Variants in GRIK3 observed in about 807,000 individuals in gnomAD.
GRIK3 encodes glutamate ionotropic receptor kainate type subunit 3.
Under a neutral mutation model 102.5 loss-of-function variants are expected in GRIK3, and 29 were observed. The observed-to-expected ratio is 0.28, with a 90% CI of 0.21 to 0.39. The LOEUF is 0.39. Ranked by LOEUF, GRIK3 falls within the 10% of genes least tolerant of loss-of-function variation. The pLI, the probability that GRIK3 is intolerant of heterozygous loss-of-function variation, is 1.00. For synonymous variants in GRIK3, 511 were observed against 504.9 expected (o/e 1.01, Z -0.16); for missense variants, 908 against 1,252.4 (o/e 0.73, Z 4.15).
Position 36,880,644 on chromosome 1 carries a change from G to A in GRIK3, c.540C>T (p.Asp180=), listed in dbSNP as rs377438243. ...LKWRSATVVY[D]DSTGLIRLQE... ...GGCCTGGCCACCCACCTGTACTGTC[G>A]TCATAGACCACGGTGGCTGACCGCC... The change falls in exon 3 of 16, where the codon GAC becomes GAT. Residue 180 remains aspartate, a synonymous_variant. Coordinates refer to ENST00000373091, the MANE Select transcript of GRIK3 (RefSeq NM_000831.4). This position sits in a 1 kb window ranked among gnomAD's most constrained non-coding sequence, Gnocchi z 5.4. 1.2e-5 allele frequency: 20 copies of A among 1,613,988 alleles called. No homozygotes were observed. Among genetic ancestry groups the A allele is most frequent in the East Asian group, 4.5e-5 (2 of 44,900 alleles).
chr1:36,859,401 G>T, intron 6 of GRIK3, 150 bp from the exon 7 acceptor site: 1 of 817,816 alleles, frequency 1.2e-6, no homozygotes. Flanking sequence ...CTCTGTCTAC[G>T]CCTCTGAGGA....
At chr1:37,003,404 C>T (rs1053297792) in intron 1 of GRIK3, among the ~76,000 whole-genome samples, 3 of 151,436 alleles carry the variant, frequency 2.0e-5, no homozygotes, top group Non-Finnish European at 4.4e-5. Context: ...TATCAATGCC[C>T]TCCCAGGTCA....
chr1:36,950,130 T>C (rs1236313060), intron 1 of GRIK3, among the ~76,000 whole-genome samples: 1 of 152,192 alleles, frequency 6.6e-6, no homozygotes, highest in African/African-American at 2.4e-5. Context: ...TCTCATTTTC[T>C]TTCTCAGAAC....
chr1:36,801,823 A>C lies in GRIK3; in HGVS notation c.*28T>G. The C allele has an allele frequency of 6.4e-7, 1 of 1,558,310 alleles. No homozygotes were observed. The highest frequency in any genetic ancestry group is 8.7e-7 in the Non-Finnish European group (1 of 1,149,104). The stretch of plus-strand genomic sequence containing the variant: ...CTTTGCTTTCCTCTGCCCAGCCCCC[A>C]GGCCTGAGGTCCCCACCCCAGCTGT... On this transcript the variant is annotated 3_prime_UTR_variant, in exon 16 of 16. Coordinates refer to ENST00000373091, the MANE Select transcript of GRIK3 (RefSeq NM_000831.4).
chr1:36,836,698 G>C (rs1640383277), intron 10 of GRIK3, among the ~76,000 whole-genome samples: 1 of 152,142 alleles, frequency 6.6e-6, no homozygotes, highest in Non-Finnish European at 1.5e-5. Flanking sequence ...CTTCTTATCT[G>C]GCCATCCATA....
chr1:36,888,052 A>G (rs1641061674), intron 2 of GRIK3, among the ~76,000 whole-genome samples: 1 of 152,134 alleles, frequency 6.6e-6, no homozygotes, highest in South Asian at 2.1e-4. Flanking sequence ...GTATATACCC[A>G]ACAAAAATGA....
intron 5 of GRIK3, among the ~76,000 whole-genome samples, chr1:36,867,151 G>A (rs561866810): frequency 6.6e-6 from 1 of 152,164 alleles, no homozygotes; most frequent in Non-Finnish European, 1.5e-5. Context: ...ACTGGCCGGG[G>A]CTAGTCTCTG....
intron 1 of GRIK3, among the ~76,000 whole-genome samples, chr1:36,916,797 G>A (rs910608129): frequency 1.3e-5 from 2 of 152,192 alleles, no homozygotes; most frequent in Non-Finnish European, 2.9e-5. Context: ...TTGCTGCAGG[G>A]GTGGGGCCCT....
At position 36,878,779 on chromosome 1, in the gene GRIK3, C is replaced by T. The variant is rs1557711271; in HGVS notation, c.550+1855G>A. Among the ~76,000 whole-genome samples the T allele has an allele frequency of 1.3e-5, 2 of 152,204 alleles. 1 individual carries two copies. The highest frequency in any genetic ancestry group is 4.1e-4 in the South Asian group (2 of 4,822). On this transcript the variant is annotated intron_variant, in intron 3 of 15. Transcript: ENST00000373091. ...GGGTGACAGTGCACAGGGCATGTCACCTCTTTGGGACTCAGTTTCCTCATT... is the reference window on the plus strand; with the variant it reads ...GGGTGACAGTGCACAGGGCATGTCATCTCTTTGGGACTCAGTTTCCTCATT...
chr1:36,868,378 C>T (rs1204957827), intron 5 of GRIK3, among the ~76,000 whole-genome samples: 2 of 152,206 alleles, frequency 1.3e-5, no homozygotes, highest in African/African-American at 4.8e-5. Context: ...TTCCAGGATC[C>T]CTTTCTCCCA....
At chr1:36,803,036 G>A (rs1034304480) in intron 15 of GRIK3, among the ~76,000 whole-genome samples, 9 of 152,076 alleles carry the variant, frequency 5.9e-5, no homozygotes, top group Non-Finnish European at 1.0e-4. Flanking sequence ...GGGAGCTTGC[G>A]GTCTAACGAT....
At chr1:37,007,320 C>T (rs2124046110) in intron 1 of GRIK3, among the ~76,000 whole-genome samples, 1 of 152,282 alleles carries the variant, frequency 6.6e-6, no homozygotes, top group South Asian at 2.1e-4. Context: ...AGTAACAGAG[C>T]TGGGAGTCAA....
At chr1:36,841,493 G>A (rs1319167202) in intron 10 of GRIK3, among the ~76,000 whole-genome samples, 1 of 152,204 alleles carries the variant, frequency 6.6e-6, no homozygotes, top group Non-Finnish European at 1.5e-5. Context: ...TCAGATGGAG[G>A]CCAGTGCATC....
chr1:36,840,604 G>T (rs1289623222), intron 10 of GRIK3, among the ~76,000 whole-genome samples: 1 of 148,658 alleles, frequency 6.7e-6, no homozygotes, highest in African/African-American at 2.5e-5. Flanking sequence ...CCTCGTGCCT[G>T]TAGCCCCAGC....
chr1:36,927,395 T>C (rs1641538913), intron 1 of GRIK3, among the ~76,000 whole-genome samples: 1 of 152,238 alleles, frequency 6.6e-6, no homozygotes, highest in Non-Finnish European at 1.5e-5. Flanking sequence ...CCCTAAATAT[T>C]TAACTGTTCG....
intron 8 of GRIK3, among the ~76,000 whole-genome samples, chr1:36,851,700 T>G (rs1182129293): frequency 6.6e-6 from 1 of 152,252 alleles, no homozygotes; most frequent in African/African-American, 2.4e-5. Flanking sequence ...CGGGTGGCTG[T>G]GACCCGGTGC....
rs186879697 is a variant in GRIK3, at chr1:36,966,267, T to A, written c.115+67727A>T. On this transcript the variant is annotated intron_variant, in intron 1 of 15. Coordinates refer to ENST00000373091, the MANE Select transcript of GRIK3 (RefSeq NM_000831.4). ...GGCAGCTTGTGGCAGATTTGTGATG[T>A]CTCAAGCTGGACATGGGACCAGACA... 3.5e-4 allele frequency among the ~76,000 whole-genome samples: 53 copies of A among 152,320 alleles called. No individual in the cohort carries two copies. The East Asian group carries it at 8.9e-3, about 26-fold the overall frequency.
At chr1:36,832,076 GCGAC>G (rs1640307415) in intron 10 of GRIK3, among the ~76,000 whole-genome samples, 1 of 186 alleles carries the variant, frequency 5.4e-3, no homozygotes, top group African/African-American at 0.024. Context: ...GAACTCCCTG[GCGAC>G]TGCTCTACTG....
intron 1 of GRIK3, among the ~76,000 whole-genome samples, chr1:36,932,515 C>T (rs1211181726): frequency 2.6e-5 from 4 of 152,268 alleles, no homozygotes; most frequent in East Asian, 1.9e-4. Flanking sequence ...CTTCCCCTTC[C>T]GGGTTCAGAA....
Sources: gnomAD v4.1 joint callset for allele counts (sites outside exome capture counted in the v4.1 genomes callset) on GRCh38, gnomAD v4.1.1 for gene constraint, Gnocchi (gnomAD v3.1) non-coding constraint, MANE v1.5 for transcripts, NCBI Gene and HGNC (gene_info 2026-07-23, HGNC 2026-07-21) for gene names.